The following FMN1 variants were observed in gnomAD, a reference collection of about 807,000 sequenced individuals.
FMN1 encodes the protein formin-1.
A neutral mutation model predicts 132.4 loss-of-function variants in FMN1; 110 were observed. The observed-to-expected ratio is 0.83, with a 90% confidence interval of 0.71 to 0.97. The LOEUF is 0.97. FMN1 is among the 50% of genes least tolerant of loss of function. FMN1 has a pLI of 0.00. For missense variants in FMN1, 1,792 were observed against 1,705.3 expected (o/e 1.05, Z -0.90); for synonymous variants, 722 against 651.7 (o/e 1.11, Z -1.64).
At chr15:33,052,362 G>C (rs1325663059) in intron 6 of FMN1, among the ~76,000 whole-genome samples, 1 of 152,128 alleles carries the variant, frequency 6.6e-6, no homozygotes, top group Admixed American at 6.5e-5. Flanking sequence ...GGATAAAAAG[G>C]AACTCGATAA....
intron 10 of FMN1, among the ~76,000 whole-genome samples, chr15:32,911,750 G>C (rs2060566547): frequency 1.3e-5 from 2 of 152,070 alleles, no homozygotes; most frequent in Non-Finnish European, 2.9e-5. Context: ...AGAGAGAAAA[G>C]AGGAGGTTAA....
rs2061605647 is a variant in FMN1, at chr15:32,950,020, T to TATATATATATACAC, written c.3138+14086_3138+14087insGTGTATATATATAT. Among the ~76,000 whole-genome samples, 2 of 2,910 alleles carry TATATATATATACAC rather than the reference T, an allele frequency of 6.9e-4. 1 individual carries two copies. The highest frequency in any genetic ancestry group is 1.6e-3 in the African/African-American group (2 of 1,260). 1.9% of individuals were successfully genotyped at this position (2,910 alleles called of 152,430 possible). On this transcript the variant is annotated intron_variant, in intron 9 of 20. Transcript: ENST00000616417. ...ACACATACACATATATATATACACA[T>TATATATATATACAC]ATATATATATATACACATATATATA...
chr15:32,992,410 T>G (rs892683876), intron 7 of FMN1, among the ~76,000 whole-genome samples: 14 of 152,212 alleles, frequency 9.2e-5, no homozygotes, highest in African/African-American at 3.4e-4. Flanking sequence ...AGAACAATAG[T>G]ATAAGTATGA....
chr15:33,067,322 C>T lies in FMN1; in HGVS notation c.2044-2248G>A, dbSNP rs1054011392. The T allele has an allele frequency of 1.9e-6, 3 of 1,613,866 alleles. No individual in the cohort carries two copies. In the African/African-American group the frequency reaches 4.0e-5, roughly 22 times the overall value. ...CATTTCCCCAGTGACAGTATTTTCC[C>T]TGAAACCTCCTGGGTTTTCTTTGGA... On this transcript the variant is annotated intron_variant, in intron 5 of 20. Transcript: ENST00000616417.
At chr15:32,814,802 A>T (rs1290558669) in intron 17 of FMN1, among the ~76,000 whole-genome samples, 2 of 152,218 alleles carry the variant, frequency 1.3e-5, no homozygotes, top group East Asian at 3.8e-4. Flanking sequence ...TCAAATGCTT[A>T]GCACTTGAGA....
At chr15:33,134,729 C>T (rs1021450360) in intron 4 of FMN1, among the ~76,000 whole-genome samples, 1 of 152,166 alleles carries the variant, frequency 6.6e-6, no homozygotes, top group African/African-American at 2.4e-5. Flanking sequence ...AGGCCAGGTG[C>T]GGTGGCTCAC....
At chr15:33,091,867 T>C (rs1436746544) in intron 4 of FMN1, among the ~76,000 whole-genome samples, 2 of 152,224 alleles carry the variant, frequency 1.3e-5, no homozygotes, top group Non-Finnish European at 1.5e-5. Flanking sequence ...CAACTGTCAT[T>C]TAATTTTCCG....
intron 16 of FMN1, among the ~76,000 whole-genome samples, chr15:32,886,773 C>G (rs1023122290): frequency 6.6e-6 from 1 of 152,184 alleles, no homozygotes; most frequent in African/African-American, 2.4e-5. Flanking sequence ...TGCTGCCACA[C>G]TGAGGACCAG....
intron 5 of FMN1, among the ~76,000 whole-genome samples, 192 bp from the exon 6 acceptor site, chr15:33,065,266 A>G (rs2037670913): frequency 6.6e-6 from 1 of 151,656 alleles, no homozygotes; most frequent in African/African-American, 2.4e-5. Flanking sequence ...GTTGAGGTGA[A>G]AATTTAAAAC....
At chr15:32,786,606 T>G (rs907195333) in intron 19 of FMN1, among the ~76,000 whole-genome samples, 2 of 152,152 alleles carry the variant, frequency 1.3e-5, no homozygotes, top group Non-Finnish European at 2.9e-5. Flanking sequence ...AGGAATAACA[T>G]ATAGACTTTG....
At chr15:32,946,081 G>A (rs979962108) in intron 9 of FMN1, among the ~76,000 whole-genome samples, 10 of 152,152 alleles carry the variant, frequency 6.6e-5, no homozygotes. Context: ...CGAAATGTTG[G>A]TAAAAAGAGA....
At chr15:32,872,365 A>G (rs555875209) in intron 16 of FMN1, among the ~76,000 whole-genome samples, 2 of 152,344 alleles carry the variant, frequency 1.3e-5, no homozygotes, top group South Asian at 2.1e-4. Context: ...TTAGTGCAAG[A>G]CAATGGTTAA....
chr15:32,961,136 CTT>C (rs759322803), intron 9 of FMN1, among the ~76,000 whole-genome samples: 29 of 139,764 alleles, frequency 2.1e-4, no homozygotes, highest in African/African-American at 2.1e-4. Context: ...TATTGTTCAT[CTT>C]TTTTTTTTTT....
In FMN1 at chr15:33,153,061, G is replaced by C. The variant is rs1006300401; in HGVS notation, c.1854C>G (p.His618Gln). 6.5e-7 allele frequency: 1 copy of C among 1,527,128 alleles called. No homozygotes were observed. The highest frequency in any genetic ancestry group is 8.7e-7 in the Non-Finnish European group (1 of 1,143,038). 94.6% of individuals were successfully genotyped at this position (1,527,128 alleles called of 1,614,324 possible). The change falls in exon 4 of 21, where the codon CAC becomes CAG. Residue 618 changes from histidine (H) to glutamine (Q), a missense_variant. His to Gln is a conservative substitution (Grantham distance 24). Transcript: ENST00000616417. ...ACAGAGACTAACCTGGAGGTGACTG[G>C]TGCTGGGGCTCAGCTGTGGTCTTCC... is the stretch of plus-strand genomic sequence containing the variant. ...GPGKTTAEPQ[H>Q]QSPPGISSEG...
chr15:33,077,798 A>G lies in FMN1; in HGVS notation c.2043+11001T>C, dbSNP rs906777556. Among the ~76,000 whole-genome samples the G allele has an allele frequency of 4.9e-4, 74 of 151,680 alleles. 1 individual carries two copies. The highest frequency in any genetic ancestry group is 1.7e-3 in the African/African-American group (72 of 41,330). On this transcript the variant is annotated intron_variant, in intron 5 of 20. Transcript: ENST00000616417. ...AAAGAACTCAAACAAATTTACAAAAAAAAAAAAAAACATCAAAAAGTGGGC... is the reference window on the plus strand; with the variant it reads ...AAAGAACTCAAACAAATTTACAAAAGAAAAAAAAAACATCAAAAAGTGGGC...
intron 9 of FMN1, among the ~76,000 whole-genome samples, chr15:32,936,712 G>C (rs1435307875): frequency 6.6e-6 from 1 of 151,638 alleles, no homozygotes; most frequent in African/African-American, 2.4e-5. Flanking sequence ...AAGAAGGAAA[G>C]GAAGGAAGGA....
intron 19 of FMN1, among the ~76,000 whole-genome samples, chr15:32,787,899 C>T (rs1190680927): frequency 6.6e-6 from 1 of 152,024 alleles, no homozygotes; most frequent in South Asian, 2.1e-4. Flanking sequence ...CTACTTTGTC[C>T]AATTGTGTAC....
intron 17 of FMN1, among the ~76,000 whole-genome samples, chr15:32,849,668 A>AT (rs71776158): frequency 0.16 from 23,707 of 149,118 alleles, 2,018 homozygotes; most frequent in East Asian, 0.31. Flanking sequence ...TCTTTTCTTT[A>AT]TTTTTTTTTT....
At chr15:32,851,820 T>TA (rs768674608) in intron 17 of FMN1, among the ~76,000 whole-genome samples, 1 of 152,214 alleles carries the variant, frequency 6.6e-6, no homozygotes, top group African/African-American at 2.4e-5. Flanking sequence ...TCATGATTGT[T>TA]AGAGCTGAAT....
Sources: allele counts gnomAD v4.1 joint callset (sites outside exome capture counted in the v4.1 genomes callset), GRCh38; gene constraint gnomAD v4.1.1; transcripts MANE v1.5; gene names NCBI Gene and HGNC (gene_info 2026-07-23, HGNC 2026-07-21).